AKAP1: variants seen among roughly 807,000 people sequenced by gnomAD.
AKAP1 encodes the protein A-kinase anchor protein 1, mitochondrial.
In AKAP1, 32 loss-of-function variants were observed where a neutral mutation model predicts 79.8. The observed-to-expected ratio is 0.40, with a 90% CI of 0.30 to 0.54. AKAP1 has a LOEUF of 0.54. Among genes scored for constraint, AKAP1 ranks in the 20% least tolerant of loss-of-function variants. AKAP1 has a pLI of 0.47. For synonymous variants in AKAP1, 416 were observed against 466.7 expected, an observed-to-expected ratio of 0.89 and a Z score of 1.40; for missense variants, 961 against 1,138.9, an observed-to-expected ratio of 0.84 and a Z score of 2.25.
intron 6 of AKAP1, 125 bp from the exon 7 acceptor site, chr17:57,115,986 G>T (rs1476049753): frequency 1.7e-6 from 2 of 1,154,478 alleles, no homozygotes; most frequent in Non-Finnish European, 2.4e-6. Context: ...TGCTGTTCCT[G>T]TCCCCTGCAC....
rs745487991 is a variant in AKAP1 at position 57,120,270 on chromosome 17, C to T, written c.2658C>T (p.Ser886=). The T allele has an allele frequency of 1.9e-6, 3 of 1,613,482 alleles. No individual in the cohort carries two copies. The highest frequency in any genetic ancestry group is 2.5e-6 in the Non-Finnish European group (3 of 1,179,800). Residue 886 remains serine (S), a synonymous_variant, in exon 11 of 11, where the codon TCC becomes TCT. Transcript: ENST00000337714. Reference sequence around the variant, plus strand: ...TCTAGGTGGTGTTGATAAACCGGTCCCTGGTGGAGCGAGGCCTTGCCCAGT... The same window carrying T: ...TCTAGGTGGTGTTGATAAACCGGTCTCTGGTGGAGCGAGGCCTTGCCCAGT... ...VGDEVVLINR[S]LVERGLAQWV...
intron 3 of AKAP1, among the ~76,000 whole-genome samples, chr17:57,110,531 T>G (rs1021254844): frequency 1.3e-5 from 2 of 152,214 alleles, no homozygotes; most frequent in South Asian, 4.1e-4. Context: ...GTGCTCCAAG[T>G]GTATTTTATA....
chr17:57,112,742 C>T, intron 5 of AKAP1, 124 bp downstream of exon 5: 1 of 1,350,540 alleles, frequency 7.4e-7, no homozygotes, highest in East Asian at 2.4e-5. Context: ...GCCCTCTCTT[C>T]TCTGGCCTCT....
chr17:57,113,594 C>CTTTTTT lies in AKAP1; in HGVS notation c.2104-844_2104-839dup, dbSNP rs1036422001. On this transcript the variant is annotated intron_variant, in intron 5 of 10. Coordinates refer to ENST00000337714, the MANE Select transcript of AKAP1 (RefSeq NM_003488.4). The stretch of plus-strand genomic sequence containing the variant: ...GGAGGCTCGGTCGTAGACTCACTCT[C>CTTTTTT]TTTTTTTTTTTTTTTTTTTTTTTTT... Among the ~76,000 whole-genome samples, 6 of 82,510 alleles carry CTTTTTT rather than the reference C, an allele frequency of 7.3e-5. 1 individual carries two copies. Among genetic ancestry groups the CTTTTTT allele is most frequent in the East Asian group, 3.1e-4 (1 of 3,226 alleles). 54.1% of individuals were successfully genotyped at this position (82,510 alleles called of 152,430 possible). A position where few individuals can be genotyped will look rare whatever the true frequency, so the allele number is the denominator to read the frequency against.
chr17:57,120,333 C>A lies in AKAP1; in HGVS notation c.*9C>A, dbSNP rs1375756476. 2 of 1,609,900 alleles carry A rather than the reference C, an allele frequency of 1.2e-6. No individual in the cohort carries two copies. Among genetic ancestry groups the A allele is most frequent in the Admixed American group, 3.4e-5 (2 of 58,542 alleles). ...ACTACACAAGCCTTTGACCCCCATG[C>A]TGCTTCCTGAGAGTCTTTTTTTGCA... On this transcript the variant is annotated 3_prime_UTR_variant, in exon 11 of 11. Transcript: ENST00000337714.
At position 57,118,131 on chromosome 17, in the gene AKAP1, A is replaced by G. The variant is rs533710213; in HGVS notation, c.2501-250A>G. 5.3e-5 allele frequency among the ~76,000 whole-genome samples: 8 copies of G among 151,904 alleles called. No individual in the cohort carries two copies. The South Asian group carries it at 1.7e-3, about 32-fold the overall frequency. On this transcript the variant is annotated intron_variant, in intron 8 of 10. Coordinates refer to ENST00000337714, the MANE Select transcript of AKAP1 (RefSeq NM_003488.4). The stretch of plus-strand genomic sequence containing the variant: ...GGTATTGGTGGTGGTGTTAGTGGTG[A>G]AGTTTCTGTCCATCTGTTGTCTGTG...
chr17:57,088,621 A>G (rs1013456077), intron 1 of AKAP1, among the ~76,000 whole-genome samples: 8 of 152,194 alleles, frequency 5.3e-5, no homozygotes, highest in African/African-American at 1.4e-4. Flanking sequence ...GAACCAAGGA[A>G]TATTCTTAAA....
At chr17:57,109,469 G>A (rs1158571063) in intron 2 of AKAP1, among the ~76,000 whole-genome samples, 1 of 152,242 alleles carries the variant, frequency 6.6e-6, no homozygotes, top group Non-Finnish European at 1.5e-5. Flanking sequence ...GAACGAGCGG[G>A]TCCCCGCTAG....
chr17:57,099,641 G>A (rs73317550), intron 1 of AKAP1, among the ~76,000 whole-genome samples: 308 of 152,322 alleles, frequency 2.0e-3, no homozygotes, highest in African/African-American at 6.9e-3. Flanking sequence ...GACTCTAGAG[G>A]TGGTGGTCTG....
Position 57,112,500 on chromosome 17 carries a change from A to G in AKAP1, c.1985A>G (p.His662Arg), listed in dbSNP as rs1915312428. ...VQICHIEGSQHHVDKALNLIG... is the reference protein window; with the variant it reads ...VQICHIEGSQRHVDKALNLIG... ...CCCATCCGCTATTTAGGCTCTCAAC[A>G]TCATGTAGACAAAGCGCTGAACTTG... The change falls in exon 5 of 11, where the codon CAT becomes CGT. Residue 662 changes from histidine (H) to arginine (R), a missense_variant. Transcript: ENST00000337714. The G allele has an allele frequency of 6.2e-7, 1 of 1,613,886 alleles. No individual in the cohort carries two copies.
rs1455170065 is a variant in AKAP1 at position 57,112,525 on chromosome 17, G to A, written c.2010G>A (p.Leu670=). ...ATCATGTAGACAAAGCGCTGAACTT[G>A]ATTGGGAAGAAGTTCAAAGAGCTGA... ...SQHHVDKALN[L]IGKKFKELNL... is the part of the protein sequence containing the mutation. Residue 670 remains leucine, a synonymous_variant, in exon 5 of 11, where the codon TTG becomes TTA. Transcript: ENST00000337714. 1 of 1,614,048 alleles carries A rather than the reference G, an allele frequency of 6.2e-7. No homozygotes were observed. Among genetic ancestry groups the A allele is most frequent in the Non-Finnish European group, 8.5e-7 (1 of 1,180,032 alleles).
intron 1 of AKAP1, chr17:57,092,311 G>A (rs536090825): frequency 5.9e-5 from 9 of 152,300 alleles, no homozygotes; most frequent in Admixed American, 3.3e-4. Context: ...AACTGTTTCT[G>A]ATTAAGAAAG....
intron 8 of AKAP1, among the ~76,000 whole-genome samples, 186 bp from the exon 9 acceptor site, chr17:57,118,195 T>A (rs930115496): frequency 6.6e-6 from 1 of 152,106 alleles, no homozygotes; most frequent in Non-Finnish European, 1.5e-5. Context: ...GCCCTTAGTT[T>A]ATCCACTGGG....
At position 57,121,198 on chromosome 17, in the gene AKAP1, T is replaced by A. The variant is rs1915900249; in HGVS notation, c.*874T>A. On this transcript the variant is annotated 3_prime_UTR_variant, in exon 11 of 11. Transcript: ENST00000337714. ...GGTAGAGACTGTGATCTGGGAACTTTTTGCTGTACAAATCTGTTTAAAAAA... is the reference window on the plus strand; with the variant it reads ...GGTAGAGACTGTGATCTGGGAACTTATTGCTGTACAAATCTGTTTAAAAAA... 1 of 152,160 alleles carries A rather than the reference T, an allele frequency of 6.6e-6. No homozygotes were observed. The highest frequency in any genetic ancestry group is 1.5e-5 in the Non-Finnish European group (1 of 68,034). The allele number at this position is 152,160 out of a possible 1,614,324, so 9.4% of individuals were successfully genotyped here.
intron 1 of AKAP1, among the ~76,000 whole-genome samples, chr17:57,098,041 C>T (rs763532170): frequency 9.2e-5 from 14 of 152,214 alleles, no homozygotes; most frequent in Non-Finnish European, 1.9e-4. Flanking sequence ...GGTTTGTCAG[C>T]TGAGTTGAGA....
In AKAP1 at chr17:57,113,594, C is replaced by CTTT. The variant is rs1036422001; in HGVS notation, c.2104-841_2104-839dup. On this transcript the variant is annotated intron_variant, in intron 5 of 10. Coordinates refer to ENST00000337714, the MANE Select transcript of AKAP1 (RefSeq NM_003488.4). ...GGAGGCTCGGTCGTAGACTCACTCT[C>CTTT]TTTTTTTTTTTTTTTTTTTTTTTTT... Among the ~76,000 whole-genome samples the CTTT allele has an allele frequency of 5.1e-3, 422 of 82,512 alleles. 76 individuals carry two copies. Among genetic ancestry groups the CTTT allele is most frequent in the African/African-American group, 0.023 (389 of 17,030 alleles). 54.1% of individuals were successfully genotyped at this position (82,512 alleles called of 152,430 possible).
At chr17:57,095,035 T>A (rs75057026) in intron 1 of AKAP1, 5,802 of 152,350 alleles carry the variant, frequency 0.038, 140 homozygotes, top group Non-Finnish European at 0.054. Flanking sequence ...AACATTCTAG[T>A]CTGAGGACAC....
In AKAP1 at chr17:57,114,440, TC is replaced by T; in HGVS notation, c.2104-14del. The T allele has an allele frequency of 6.2e-7, 1 of 1,610,904 alleles. No homozygotes were observed. On this transcript the variant is annotated intron_variant, in intron 5 of 10. Coordinates refer to ENST00000337714, the MANE Select transcript of AKAP1 (RefSeq NM_003488.4). ...TAAGAAGGATTGTTTCAGTGACCGC[TC>T]CCCCTTCCCCTCTACAGCTCATGCT...
intron 2 of AKAP1, among the ~76,000 whole-genome samples, chr17:57,108,685 T>C (rs1197881959): frequency 1.3e-5 from 2 of 152,170 alleles, no homozygotes; most frequent in African/African-American, 4.8e-5. Context: ...TGTACCTTCA[T>C]GTCAGCCCTG....
Sources: gnomAD v4.1 joint callset for allele counts (sites outside exome capture counted in the v4.1 genomes callset) on GRCh38, gnomAD v4.1.1 for gene constraint, MANE v1.5 for transcripts, NCBI Gene and HGNC (gene_info 2026-07-23, HGNC 2026-07-21) for gene names.